SFXN5: variants seen among roughly 807,000 people sequenced by gnomAD.
The protein encoded by SFXN5 is sideroflexin-5.
In SFXN5, 43 loss-of-function variants were observed where a neutral mutation model predicts 50.2. That is an observed-to-expected ratio of 0.86 (90% CI 0.67 to 1.11). The LOEUF (loss-of-function observed/expected upper bound fraction) is 1.11. Ranked by LOEUF, SFXN5 falls within the 50% of genes least tolerant of loss-of-function variation. The pLI, the probability that SFXN5 is intolerant of heterozygous loss-of-function variation, is 0.00. For missense variants in SFXN5, 463 were observed against 454.1 expected, an observed-to-expected ratio of 1.02 and a Z score of -0.18; for synonymous variants, 203 against 185.8, an observed-to-expected ratio of 1.09 and a Z score of -0.75.
At chr2:73,007,354 G>A (rs1275906925) in intron 6 of SFXN5, among the ~76,000 whole-genome samples, 2 of 151,996 alleles carry the variant, frequency 1.3e-5, no homozygotes, top group African/African-American at 2.4e-5. Flanking sequence ...TGTCTTGTTC[G>A]CCAAGATAAT....
chr2:72,982,293 G>A (rs1255031855), intron 10 of SFXN5, among the ~76,000 whole-genome samples: 1 of 152,194 alleles, frequency 6.6e-6, no homozygotes, highest in Non-Finnish European at 1.5e-5. Context: ...CCCTAGGCCT[G>A]CTGACTAAGA....
chr2:73,051,609 A>C (rs1681338715), intron 2 of SFXN5, among the ~76,000 whole-genome samples: 1 of 152,140 alleles, frequency 6.6e-6, no homozygotes, highest in Admixed American at 6.5e-5. Context: ...CAAGCTCCAG[A>C]GCTGCTTCCA....
rs1265014595 is a variant in SFXN5 at position 73,020,228 on chromosome 2, G to T, written c.357+11C>A. Reference sequence around the variant, plus strand: ...TTTTAGAAAAGGAAATCCTTTGAAGGTAACACTTACAATTGGCGTCCCAAA... The same window carrying T: ...TTTTAGAAAAGGAAATCCTTTGAAGTTAACACTTACAATTGGCGTCCCAAA... On this transcript the variant is annotated intron_variant, in intron 6 of 13. Transcript: ENST00000272433. 1 of 1,613,270 alleles carries T rather than the reference G, an allele frequency of 6.2e-7. No individual in the cohort carries two copies. The highest frequency in any genetic ancestry group is 8.5e-7 in the Non-Finnish European group (1 of 1,179,398).
chr2:73,031,226 A>T (rs1428382645), intron 3 of SFXN5, among the ~76,000 whole-genome samples: 2 of 152,244 alleles, frequency 1.3e-5, no homozygotes, highest in African/African-American at 4.8e-5. Context: ...TGAGACCCAC[A>T]GTGGCATCTG....
intron 9 of SFXN5, among the ~76,000 whole-genome samples, chr2:72,989,990 T>G (rs749461657): frequency 1.3e-5 from 2 of 152,192 alleles, no homozygotes; most frequent in Non-Finnish European, 2.9e-5. Flanking sequence ...GCCTTAATGT[T>G]GTGGGTGGTT....
chr2:73,047,501 T>C (rs901562246), intron 2 of SFXN5, among the ~76,000 whole-genome samples: 2 of 150,852 alleles, frequency 1.3e-5, no homozygotes, highest in Non-Finnish European at 2.9e-5. Context: ...ATTATAATAA[T>C]CCCCCCATGT....
intron 12 of SFXN5, among the ~76,000 whole-genome samples, chr2:72,966,881 G>A (rs1159310836): frequency 2.0e-5 from 3 of 152,174 alleles, no homozygotes; most frequent in African/African-American, 7.2e-5. Context: ...CCTGGGTACG[G>A]GTCTTGCCCA....
At chr2:73,000,062 A>G (rs528414883) in intron 8 of SFXN5, among the ~76,000 whole-genome samples, 12 of 152,322 alleles carry the variant, frequency 7.9e-5, no homozygotes, top group South Asian at 6.2e-4. Flanking sequence ...AGGAAGCTTT[A>G]TGGGAATTTT....
chr2:73,037,260 G>A (rs955656206), intron 3 of SFXN5, among the ~76,000 whole-genome samples: 1 of 152,090 alleles, frequency 6.6e-6, no homozygotes, highest in African/African-American at 2.4e-5. Context: ...CCCCTTCCAC[G>A]GCTCTCCCAT....
chr2:73,060,588 T>C (rs1682685608), intron 1 of SFXN5, among the ~76,000 whole-genome samples: 1 of 152,186 alleles, frequency 6.6e-6, no homozygotes, highest in South Asian at 2.1e-4. Flanking sequence ...AGAGCATTAC[T>C]GAGACAAGTG....
chr2:72,978,429 C>T (rs1020426443), intron 10 of SFXN5, among the ~76,000 whole-genome samples: 1 of 151,622 alleles, frequency 6.6e-6, no homozygotes, highest in African/African-American at 2.4e-5. Flanking sequence ...ATTACAGGCG[C>T]CCACCACCAT....
intron 1 of SFXN5, among the ~76,000 whole-genome samples, chr2:73,070,063 C>T (rs931051647): frequency 6.6e-5 from 10 of 152,302 alleles, no homozygotes; most frequent in Admixed American, 5.9e-4. Flanking sequence ...CAGGAGGAAG[C>T]CTGCGATCTG....
intron 13 of SFXN5, among the ~76,000 whole-genome samples, chr2:72,946,843 C>T (rs1286970840): frequency 6.6e-6 from 1 of 152,188 alleles, no homozygotes; most frequent in Admixed American, 6.5e-5. Flanking sequence ...TGTGAAATGG[C>T]TCCATGGCAC....
chr2:72,986,073 C>T (rs1023103115), intron 10 of SFXN5, among the ~76,000 whole-genome samples: 7 of 152,218 alleles, frequency 4.6e-5, no homozygotes, highest in African/African-American at 1.2e-4. Context: ...GCTGAATGGC[C>T]GGGAACACCA....
chr2:72,968,343 G>A (rs1674705252), intron 12 of SFXN5, 105 bp downstream of exon 12: 2 of 991,044 alleles, frequency 2.0e-6, no homozygotes, highest in Non-Finnish European at 3.1e-6. Flanking sequence ...AAACTGGGGT[G>A]GGCTTCCTGC....
At chr2:72,994,639 C>T (rs1446449987) in intron 9 of SFXN5, among the ~76,000 whole-genome samples, 2 of 152,122 alleles carry the variant, frequency 1.3e-5, no homozygotes, top group Non-Finnish European at 2.9e-5. Context: ...TCCAGCCCCA[C>T]GTCCACCCTC....
At chr2:73,061,610 T>C (rs1316595079) in intron 1 of SFXN5, among the ~76,000 whole-genome samples, 2 of 152,178 alleles carry the variant, frequency 1.3e-5, no homozygotes, top group African/African-American at 4.8e-5. Context: ...AACCTTTCTG[T>C]AAGACTAAAA....
intron 13 of SFXN5, among the ~76,000 whole-genome samples, chr2:72,959,283 G>A (rs1052982146): frequency 3.3e-5 from 5 of 152,000 alleles, no homozygotes; most frequent in Admixed American, 6.6e-5. Flanking sequence ...CGTGGATCCC[G>A]TGGTCCTCTG....
chr2:73,001,007 G>A (rs957070672), intron 7 of SFXN5, among the ~76,000 whole-genome samples: 4 of 152,206 alleles, frequency 2.6e-5, no homozygotes, highest in East Asian at 3.8e-4. Context: ...CTTCCTGCCC[G>A]TCTTTCTCTG....
Sources: gnomAD v4.1 joint callset for allele counts (sites outside exome capture counted in the v4.1 genomes callset) on GRCh38, gnomAD v4.1.1 for gene constraint, MANE v1.5 for transcripts, NCBI Gene and HGNC (gene_info 2026-07-23, HGNC 2026-07-21) for gene names.